Variants in PEX26 observed in about 807,000 individuals in gnomAD.
The protein encoded by PEX26 is peroxisomal biogenesis factor 26, also known as peroxisome assembly protein 26.
In PEX26, 18 loss-of-function variants were observed where a neutral mutation model predicts 31.4. That is an observed-to-expected ratio of 0.57 (90% confidence interval 0.40 to 0.85). PEX26 has a LOEUF of 0.85. Ranked by LOEUF, PEX26 falls within the 40% of genes least tolerant of loss-of-function variation. The pLI is 0.00. For missense variants in PEX26, 377 were observed against 383.9 expected (o/e 0.98, Z 0.15); for synonymous variants, 176 against 166.9 (o/e 1.05, Z -0.42).
chr22:18,088,151 A>C lies in PEX26; in HGVS notation c.*76A>C. 2.0e-6 allele frequency: 2 copies of C among 984,288 alleles called. No individual in the cohort carries two copies. The highest frequency in any genetic ancestry group is 3.3e-6 in the Non-Finnish European group (2 of 613,802). The allele number at this position is 984,288 out of a possible 1,614,324, so 61.0% of individuals were successfully genotyped here. ...AGCAGAGCGACAGAGCGACACATCC[A>C]CAGGCGCCCCTGGGGAAATGGGACC... is the stretch of plus-strand genomic sequence containing the variant. On this transcript the variant is annotated 3_prime_UTR_variant, in exon 5 of 5. Coordinates refer to ENST00000399744, the MANE Select transcript of PEX26 (RefSeq NM_001127649.3). The surrounding 1 kb of genome is among the most constrained non-coding windows in gnomAD (Gnocchi z 4.1).
At position 18,101,069 on chromosome 22, in the gene PEX26, T is replaced by C. The variant is rs533847520; in HGVS notation, c.*12994T>C. 2 of 152,190 alleles carry C rather than the reference T, an allele frequency of 1.3e-5. No homozygotes were observed. Among genetic ancestry groups the C allele is most frequent in the Non-Finnish European group, 2.9e-5 (2 of 68,044 alleles). The allele number at this position is 152,190 out of a possible 1,614,324, so 9.4% of individuals were successfully genotyped here. A position where few individuals can be genotyped will look rare whatever the true frequency, so the allele number is the denominator to read the frequency against. ...GCAGATAATCATGGAATTCTCAACA[T>C]CATATCCACTAGGTTAGGCTGAGGG... On this transcript the variant is annotated 3_prime_UTR_variant, in exon 5 of 5. Transcript: ENST00000399744.
At chr22:18,078,940 C>CAAG in intron 1 of PEX26, 1 of 453,714 alleles carries the variant, frequency 2.2e-6, no homozygotes, top group Non-Finnish European at 4.2e-6. Flanking sequence ...TCCGCCCTCC[C>CAAG]CGCCCCGCCC....
In PEX26 at chr22:18,099,725, C is replaced by T. The variant is rs1376095805; in HGVS notation, c.*11650C>T. The stretch of plus-strand genomic sequence containing the variant: ...CAGCCAAAGCCTCTGCCTCTGAAGG[C>T]TGTAGGCAAGATTCCTTCCTTGTTT... On this transcript the variant is annotated 3_prime_UTR_variant, in exon 5 of 5. Transcript: ENST00000399744. 1 of 152,228 alleles carries T rather than the reference C, an allele frequency of 6.6e-6. No homozygotes were observed. The highest frequency in any genetic ancestry group is 1.5e-5 in the Non-Finnish European group (1 of 68,042). 9.4% of individuals were successfully genotyped at this position (152,228 alleles called of 1,614,324 possible).
chr22:18,078,858 G>GGGAA (rs1239272299), intron 1 of PEX26: 14 of 675,762 alleles, frequency 2.1e-5, no homozygotes, highest in Non-Finnish European at 3.8e-5. Context: ...ATGACATGAT[G>GGGAA]GGAAGGCTGA....
In PEX26 at chr22:18,095,010, GTTC is replaced by G. The variant is rs976859482; in HGVS notation, c.*6938_*6940del. ...TAGGCATACAGGTACCAGGATTTCT[GTTC>G]TTATCTCCCCCATAGCACCTGGAAT... is the stretch of plus-strand genomic sequence containing the variant. On this transcript the variant is annotated 3_prime_UTR_variant, in exon 5 of 5. Coordinates refer to ENST00000399744, the MANE Select transcript of PEX26 (RefSeq NM_001127649.3). 4.6e-5 allele frequency: 7 copies of G among 152,114 alleles called. No homozygotes were observed. Among genetic ancestry groups the G allele is most frequent in the African/African-American group, 1.7e-4 (7 of 41,394 alleles). 9.4% of individuals were successfully genotyped at this position (152,114 alleles called of 1,614,324 possible).
rs1231895741 is a variant in PEX26 at position 18,097,891 on chromosome 22, C to CCATTAATTACATATTAATTACATT, written c.*9816_*9817insCATTAATTACATATTAATTACATT. ...GCATGATTTTGATGACAATAAAGGACAATATGTAATTAATGGTAATTATAA... is the reference window on the plus strand; with the variant it reads ...GCATGATTTTGATGACAATAAAGGACCATTAATTACATATTAATTACATTAATATGTAATTAATGGTAATTATAA... On this transcript the variant is annotated 3_prime_UTR_variant, in exon 5 of 5. Transcript: ENST00000399744. 8.5e-5 allele frequency: 13 copies of CCATTAATTACATATTAATTACATT among 152,140 alleles called. No individual in the cohort carries two copies. The highest frequency in any genetic ancestry group is 1.9e-4 in the Non-Finnish European group (13 of 68,024). 9.4% of individuals were successfully genotyped at this position (152,140 alleles called of 1,614,324 possible).
In PEX26 at chr22:18,101,621, A is replaced by C. The variant is rs569646560; in HGVS notation, c.*13546A>C. The stretch of plus-strand genomic sequence containing the variant: ...CCTTCCCTAATGCCCAGGATCAAGA[A>C]AAGAATGTGGCCACCTTCCAAGGCT... On this transcript the variant is annotated 3_prime_UTR_variant, in exon 5 of 5. Transcript: ENST00000399744. The C allele has an allele frequency of 5.0e-6, 1 of 199,974 alleles. No homozygotes were observed. Among genetic ancestry groups the C allele is most frequent in the East Asian group, 1.3e-4 (1 of 7,734 alleles). The allele number at this position is 199,974 out of a possible 1,614,324, so 12.4% of individuals were successfully genotyped here. A position where few individuals can be genotyped will look rare whatever the true frequency, so the allele number is the denominator to read the frequency against.
Position 18,088,278 on chromosome 22 carries a change from A to T in PEX26, c.*203A>T. The T allele has an allele frequency of 1.5e-6, 1 of 686,954 alleles. No homozygotes were observed. Among genetic ancestry groups the T allele is most frequent in the Non-Finnish European group, 2.7e-6 (1 of 373,696 alleles). The allele number at this position is 686,954 out of a possible 1,614,324, so 42.6% of individuals were successfully genotyped here. Reference sequence around the variant, plus strand: ...GTAGATGATGTGGAAACAAAGCAGGACCAGCAGGCACAGCACCTCCAGAAC... The same window carrying T: ...GTAGATGATGTGGAAACAAAGCAGGTCCAGCAGGCACAGCACCTCCAGAAC... On this transcript the variant is annotated 3_prime_UTR_variant, in exon 5 of 5. Coordinates refer to ENST00000399744, the MANE Select transcript of PEX26 (RefSeq NM_001127649.3). The surrounding 1 kb of genome is among the most constrained non-coding windows in gnomAD (Gnocchi z 4.1).
rs1310819654 is a variant in PEX26 at position 18,104,341 on chromosome 22, C to T, written c.*16266C>T. On this transcript the variant is annotated 3_prime_UTR_variant, in exon 5 of 5. Transcript: ENST00000399744. ...TTAGCCTCCTGAGTAGCTGGGATTA[C>T]AGGCATGCACCACCACGCCTGGCTA... is the stretch of plus-strand genomic sequence containing the variant. The T allele has an allele frequency of 6.6e-6, 1 of 152,236 alleles. No individual in the cohort carries two copies. The highest frequency in any genetic ancestry group is 2.4e-5 in the African/African-American group (1 of 41,374). 9.4% of individuals were successfully genotyped at this position (152,236 alleles called of 1,614,324 possible).
intron 1 of PEX26, chr22:18,079,137 C>T: frequency 1.2e-6 from 1 of 869,514 alleles, no homozygotes; most frequent in Non-Finnish European, 1.4e-6. Flanking sequence ...GAGTTCGAGA[C>T]CAGCCTGGGT....
rs1389938501 is a variant in PEX26 at position 18,102,772 on chromosome 22, C to G, written c.*14697C>G. 6.6e-6 allele frequency: 1 copy of G among 152,034 alleles called. No individual in the cohort carries two copies. Among genetic ancestry groups the G allele is most frequent in the Admixed American group, 6.6e-5 (1 of 15,258 alleles). 9.4% of individuals were successfully genotyped at this position (152,034 alleles called of 1,614,324 possible). ...GGTGTCCTTCAGGATACTTTTCTGT[C>G]AAGTAAATACATTTATTAAAAATAG... is the stretch of plus-strand genomic sequence containing the variant. On this transcript the variant is annotated 3_prime_UTR_variant, in exon 5 of 5. Coordinates refer to ENST00000399744, the MANE Select transcript of PEX26 (RefSeq NM_001127649.3).
chr22:18,098,820 TAATA>T lies in PEX26; in HGVS notation c.*10750_*10753del, dbSNP rs1259883868. 2.0e-5 allele frequency: 3 copies of T among 151,712 alleles called. No individual in the cohort carries two copies. Among genetic ancestry groups the T allele is most frequent in the East Asian group, 1.9e-4 (1 of 5,192 alleles). The allele number at this position is 151,712 out of a possible 1,614,324, so 9.4% of individuals were successfully genotyped here. On this transcript the variant is annotated 3_prime_UTR_variant, in exon 5 of 5. Transcript: ENST00000399744. ...GCAATGGAGTAATGAAAATACTATA[TAATA>T]AATATAAAATGGATTAAAACTATAT...
rs944308350 is a variant in PEX26, at chr22:18,098,511, C to G, written c.*10436C>G. ...GGGTGTGATGGTGCACACCTTTAATCCCAGCTACTCAGGAGGAGGCTGAGG... is the reference window on the plus strand; with the variant it reads ...GGGTGTGATGGTGCACACCTTTAATGCCAGCTACTCAGGAGGAGGCTGAGG... On this transcript the variant is annotated 3_prime_UTR_variant, in exon 5 of 5. Transcript: ENST00000399744. 1 of 151,858 alleles carries G rather than the reference C, an allele frequency of 6.6e-6. No homozygotes were observed. Among genetic ancestry groups the G allele is most frequent in the African/African-American group, 2.4e-5 (1 of 41,332 alleles). 9.4% of individuals were successfully genotyped at this position (151,858 alleles called of 1,614,324 possible). A position where few individuals can be genotyped will look rare whatever the true frequency, so the allele number is the denominator to read the frequency against.
In PEX26 at chr22:18,093,513, A is replaced by C. The variant is rs1395282532; in HGVS notation, c.*5438A>C. 6.6e-6 allele frequency: 1 copy of C among 151,816 alleles called. No homozygotes were observed. Among genetic ancestry groups the C allele is most frequent in the Non-Finnish European group, 1.5e-5 (1 of 68,008 alleles). The allele number at this position is 151,816 out of a possible 1,614,324, so 9.4% of individuals were successfully genotyped here. On this transcript the variant is annotated 3_prime_UTR_variant, in exon 5 of 5. Transcript: ENST00000399744. ...AGGAGGCGGAGCTTGCAGTGAGCCT[A>C]GATGGCGCCACTGCACTCCAGCCTG...
rs1464374352 is a variant in PEX26 at position 18,089,661 on chromosome 22, T to C, written c.*1586T>C. On this transcript the variant is annotated 3_prime_UTR_variant, in exon 5 of 5. Coordinates refer to ENST00000399744, the MANE Select transcript of PEX26 (RefSeq NM_001127649.3). Reference sequence around the variant, plus strand: ...CTTGCTAGCTTTTCCTTGGTACATTTTCGGGGGTTGCAAGGCAACAAGTTT... The same window carrying C: ...CTTGCTAGCTTTTCCTTGGTACATTCTCGGGGGTTGCAAGGCAACAAGTTT... 6.5e-6 allele frequency: 1 copy of C among 154,042 alleles called. No individual in the cohort carries two copies. Among genetic ancestry groups the C allele is most frequent in the Non-Finnish European group, 1.4e-5 (1 of 69,592 alleles). 9.5% of individuals were successfully genotyped at this position (154,042 alleles called of 1,614,324 possible). A position where few individuals can be genotyped will look rare whatever the true frequency, so the allele number is the denominator to read the frequency against.
At chr22:18,087,938 G>A in intron 4 of PEX26, 34 bp from the exon 5 acceptor site, 1 of 1,315,574 alleles carries the variant, frequency 7.6e-7, no homozygotes, top group East Asian at 2.3e-5. Flanking sequence ...TGAGAGGGGT[G>A]GGACGTTCAC....
rs908822395 is a variant in PEX26, at chr22:18,099,619, G to C, written c.*11544G>C. 6.6e-6 allele frequency: 1 copy of C among 152,024 alleles called. No individual in the cohort carries two copies. Among genetic ancestry groups the C allele is most frequent in the African/African-American group, 2.4e-5 (1 of 41,360 alleles). 9.4% of individuals were successfully genotyped at this position (152,024 alleles called of 1,614,324 possible). ...CTTACTACACACATTTGTTTCCTAG[G>C]ACTGCTGTTAACAAATTGCCACAAA... On this transcript the variant is annotated 3_prime_UTR_variant, in exon 5 of 5. Coordinates refer to ENST00000399744, the MANE Select transcript of PEX26 (RefSeq NM_001127649.3).
chr22:18,078,520 C>T lies in PEX26; in HGVS notation c.144C>T (p.His48=). 6.4e-7 allele frequency: 1 copy of T among 1,574,122 alleles called. No homozygotes were observed. The highest frequency in any genetic ancestry group is 1.3e-5 in the African/African-American group (1 of 74,318). Residue 48 remains histidine (H), a synonymous_variant, in exon 1 of 5, where the codon CAC becomes CAT. Coordinates refer to ENST00000399744, the MANE Select transcript of PEX26 (RefSeq NM_001127649.3). ...AGGCGGCCGACCTCCTGGTGGTGCA[C>T]CTGGACTTCCGGGCGGCGCTGGAGA... ...LEEAADLLVV[H]LDFRAALETC...
intron 1 of PEX26, 154 bp downstream of exon 1, chr22:18,078,760 G>C: frequency 1.3e-6 from 1 of 758,728 alleles, no homozygotes; most frequent in Non-Finnish European, 2.3e-6. Context: ...CGCTCATCGT[G>C]TGCCCATTCT....
Sources: allele counts gnomAD v4.1 joint callset, GRCh38; gene constraint gnomAD v4.1.1; non-coding constraint Gnocchi (gnomAD v3.1); transcripts MANE v1.5; gene names NCBI Gene and HGNC (gene_info 2026-07-23, HGNC 2026-07-21).